Variants in NDUFA11 observed in about 807,000 individuals in gnomAD.
The protein encoded by NDUFA11 is NADH:ubiquinone oxidoreductase subunit A11, also known as NADH dehydrogenase [ubiquinone] 1 alpha subcomplex subunit 11.
A neutral mutation model predicts 11.3 loss-of-function variants in NDUFA11; 14 were observed. The observed-to-expected ratio is 1.24, with a 90% confidence interval of 0.82 to 1.94. NDUFA11 has a LOEUF of 1.94. Ranked by LOEUF, NDUFA11 falls within the 30% of genes most tolerant of loss-of-function variation. The probability of loss-of-function intolerance (pLI) is 0.00; values close to 1 mark genes in which losing one functional copy is unlikely to be tolerated. For synonymous variants in NDUFA11, 87 were observed against 85.6 expected (o/e 1.02, Z -0.09); for missense variants, 204 against 200.3 (o/e 1.02, Z -0.11).
chr19:5,898,122 G>A (rs1431102917), intron 1 of NDUFA11, among the ~76,000 whole-genome samples: 2 of 152,136 alleles, frequency 1.3e-5, no homozygotes, highest in African/African-American at 2.4e-5. Flanking sequence ...CCTCCTTCAC[G>A]GGAGGTGAAG....
chr19:5,901,145 AC>A (rs982372086), intron 1 of NDUFA11: 3 of 405,930 alleles, frequency 7.4e-6, no homozygotes, highest in African/African-American at 6.3e-5. Context: ...ACTCAGCAGC[AC>A]CACACCCCGA....
rs371451072 is a variant in NDUFA11, at chr19:5,903,738, C to T, written c.-30G>A. On this transcript the variant is annotated 5_prime_UTR_variant, in exon 1 of 4. Coordinates refer to ENST00000308961, the MANE Select transcript of NDUFA11 (RefSeq NM_175614.5). ...CGCAATCTCGATCCCGCACCACGGA[C>T]CCCGCCAGCTCGGGAAGCGCAAGGG... 5.3e-5 allele frequency: 82 copies of T among 1,549,020 alleles called. No homozygotes were observed. In the South Asian group the frequency reaches 5.6e-4, roughly 11 times the overall value.
intron 1 of NDUFA11, chr19:5,901,231 C>T: frequency 9.3e-7 from 1 of 1,072,212 alleles, no homozygotes; most frequent in Non-Finnish European, 1.2e-6. Flanking sequence ...GGAATGCACA[C>T]ACTCTCTCAC....
chr19:5,903,645 C>A lies in NDUFA11; in HGVS notation c.64G>T (p.Ala22Ser), dbSNP rs1192917919. Residue 22 changes from alanine (A) to serine (S), a missense_variant, in exon 1 of 4, where the codon GCC (alanine) becomes TCC (serine). Coordinates refer to ENST00000308961, the MANE Select transcript of NDUFA11 (RefSeq NM_175614.5). ...CTGGCAATACTGGTGGTGCTGTAGGCTTTGCGGTGGCAATCGGTGCCATCG... is the reference window on the plus strand; with the variant it reads ...CTGGCAATACTGGTGGTGCTGTAGGATTTGCGGTGGCAATCGGTGCCATCG... Reference protein sequence around the residue: ...IPDGTDCHRKAYSTTSIASVA... With the variant: ...IPDGTDCHRKSYSTTSIASVA... 3 of 1,551,328 alleles carry A rather than the reference C, an allele frequency of 1.9e-6. No individual in the cohort carries two copies. Among genetic ancestry groups the A allele is most frequent in the Non-Finnish European group, 2.6e-6 (3 of 1,146,938 alleles).
At chr19:5,894,514 T>C (rs1411364472), downstream of NDUFA11, among the ~76,000 whole-genome samples, 1 of 152,168 alleles carries the variant, frequency 6.6e-6, no homozygotes, top group Non-Finnish European at 1.5e-5. Context: ...CCTGATGCAC[T>C]ACCAGTTCTG....
At chr19:5,900,536 C>T (rs556892207) in intron 1 of NDUFA11, among the ~76,000 whole-genome samples, 57 of 152,254 alleles carry the variant, frequency 3.7e-4, no homozygotes, top group Non-Finnish European at 6.5e-4. Context: ...AGGGGAGCCC[C>T]GGAATGAAGT....
intron 1 of NDUFA11, among the ~76,000 whole-genome samples, chr19:5,898,296 C>A (rs1019928062): frequency 6.6e-6 from 1 of 152,216 alleles, no homozygotes; most frequent in African/African-American, 2.4e-5. Context: ...ATGGGACATG[C>A]CAGGCCTGGC....
rs534104120 is a variant in NDUFA11, at chr19:5,895,764, A to G, written c.313+689T>C. ...AGGAGTGATGTCTGGCTCATGCTCCAGACGGGCTCCCCTGTGCCAAGCGTG... is the reference window on the plus strand; with the variant it reads ...AGGAGTGATGTCTGGCTCATGCTCCGGACGGGCTCCCCTGTGCCAAGCGTG... On this transcript the variant is annotated intron_variant, in intron 3 of 3. Transcript: ENST00000308961. The G allele has an allele frequency of 5.8e-5, 9 of 153,944 alleles. 1 individual carries two copies. The highest frequency in any genetic ancestry group is 2.2e-4 in the African/African-American group (9 of 41,604). The allele number at this position is 153,944 out of a possible 1,614,324, so 9.5% of individuals were successfully genotyped here.
intron 1 of NDUFA11, among the ~76,000 whole-genome samples, chr19:5,900,214 A>ACTCCCCG (rs2057636134): frequency 5.3e-5 from 8 of 152,232 alleles, no homozygotes; most frequent in South Asian, 2.1e-4. Context: ...TCTGAAGGGA[A>ACTCCCCG]ACTGCTGGTT....
At chr19:5,892,808 A>G (rs2057585643), downstream of NDUFA11, 1 of 1,325,482 alleles carries the variant, frequency 7.5e-7, no homozygotes, top group Admixed American at 3.0e-5. Context: ...AGGGAGGTGG[A>G]ATCGTCTTTC....
At chr19:5,893,074 CCT>C (rs2057587616), downstream of NDUFA11, 3 of 1,536,116 alleles carry the variant, frequency 2.0e-6, no homozygotes, top group East Asian at 7.3e-5. The surrounding 1 kb of genome is among the most constrained non-coding windows in gnomAD (Gnocchi z 4.1). Flanking sequence ...TGGACGTGAC[CCT>C]GAGCTGTTGC....
chr19:5,894,894 T>C, intron 3 of NDUFA11, 40 bp from the exon 4 acceptor site: 2 of 1,555,444 alleles, frequency 1.3e-6, no homozygotes, highest in Non-Finnish European at 1.7e-6. Flanking sequence ...CGGGTGGGGC[T>C]CGGCCGGACC....
downstream of NDUFA11, chr19:5,893,097 T>C (rs778963373): frequency 1.2e-5 from 19 of 1,535,962 alleles, no homozygotes; most frequent in South Asian, 2.0e-4. The surrounding 1 kb of genome is among the most constrained non-coding windows in gnomAD (Gnocchi z 4.1). Flanking sequence ...ATGCCCCCCT[T>C]GTGCTGGAAC....
chr19:5,891,409 GCCA>G (rs897524259), downstream of NDUFA11: 1 of 152,106 alleles, frequency 6.6e-6, no homozygotes, highest in African/African-American at 2.4e-5. Flanking sequence ...ACAGGTGCCT[GCCA>G]CCACACCTGG....
chr19:5,892,770 G>C (rs550178664), downstream of NDUFA11: 2 of 1,094,758 alleles, frequency 1.8e-6, no homozygotes, highest in Non-Finnish European at 2.4e-6. Context: ...GAGTGGATGC[G>C]ATGCCCGTGA....
chr19:5,900,457 C>T (rs2057637629), intron 1 of NDUFA11, among the ~76,000 whole-genome samples: 1 of 152,196 alleles, frequency 6.6e-6, no homozygotes, highest in South Asian at 2.1e-4. Context: ...TATAGTCTCC[C>T]CGCCGTCCAG....
At position 5,896,740 on chromosome 19, in the gene NDUFA11, C is replaced by G; in HGVS notation, c.190+165G>C. 1.6e-6 allele frequency: 2 copies of G among 1,212,474 alleles called. No individual in the cohort carries two copies. The highest frequency in any genetic ancestry group is 2.4e-6 in the Non-Finnish European group (2 of 833,964). 75.1% of individuals were successfully genotyped at this position (1,212,474 alleles called of 1,614,324 possible). On this transcript the variant is annotated intron_variant, in intron 2 of 3. Coordinates refer to ENST00000308961, the MANE Select transcript of NDUFA11 (RefSeq NM_175614.5). The surrounding 1 kb of genome is among the most constrained non-coding windows in gnomAD (Gnocchi z 5.8). Reference sequence around the variant, plus strand: ...CTGGAGCTGTTCTCCTGGGCCTCCCCACCCTACATGTATTCCTGATAAAGG... The same window carrying G: ...CTGGAGCTGTTCTCCTGGGCCTCCCGACCCTACATGTATTCCTGATAAAGG...
At position 5,898,536 on chromosome 19, in the gene NDUFA11, C is replaced by A. The variant is rs564441522; in HGVS notation, c.98-1539G>T. 5.9e-5 allele frequency among the ~76,000 whole-genome samples: 9 copies of A among 152,288 alleles called. No individual in the cohort carries two copies. The South Asian group carries it at 1.7e-3, about 28-fold the overall frequency. The stretch of plus-strand genomic sequence containing the variant: ...AGAGTACCTTGTGGATCTGGTTTCT[C>A]CTAATCCTACACCAACCCCTGGGAT... On this transcript the variant is annotated intron_variant, in intron 1 of 3. Coordinates refer to ENST00000308961, the MANE Select transcript of NDUFA11 (RefSeq NM_175614.5).
rs1311987717 is a variant in NDUFA11, at chr19:5,896,297, C to T, written c.313+156G>A. ...AGGGCCACAGTAGGTGCTTAAGCAG[C>T]AGCAGCAGCTGTCGCTATGACTGAA... On this transcript the variant is annotated intron_variant, in intron 3 of 3. Coordinates refer to ENST00000308961, the MANE Select transcript of NDUFA11 (RefSeq NM_175614.5). This position sits in a 1 kb window ranked among gnomAD's most constrained non-coding sequence, Gnocchi z 5.8. 3.4e-6 allele frequency: 3 copies of T among 891,814 alleles called. No individual in the cohort carries two copies. Among genetic ancestry groups the T allele is most frequent in the Non-Finnish European group, 5.1e-6 (3 of 589,980 alleles). 55.2% of individuals were successfully genotyped at this position (891,814 alleles called of 1,614,324 possible). A position where few individuals can be genotyped will look rare whatever the true frequency, so the allele number is the denominator to read the frequency against.
Sources: gnomAD v4.1 joint callset for allele counts (sites outside exome capture counted in the v4.1 genomes callset) on GRCh38, gnomAD v4.1.1 for gene constraint, Gnocchi (gnomAD v3.1) non-coding constraint, MANE v1.5 for transcripts, NCBI Gene and HGNC (gene_info 2026-07-23, HGNC 2026-07-21) for gene names.